LAMA2: variants seen among roughly 807,000 people sequenced by gnomAD.
The protein encoded by LAMA2 is laminin subunit alpha 2.
LAMA2 carries 269 observed loss-of-function variants against 364.8 expected under a neutral mutation model. That is an observed-to-expected ratio of 0.74 (90% CI 0.67 to 0.82). LAMA2 has a LOEUF of 0.82. LAMA2 is among the 40% of genes least tolerant of loss of function. LAMA2 has a pLI of 0.00. For synonymous variants in LAMA2, 1,379 were observed against 1,370.6 expected (o/e 1.01, Z -0.14); for missense variants, 3,807 against 3,873.2 (o/e 0.98, Z 0.45).
chr6:129,340,893 G>C (rs188169769), intron 29 of LAMA2, among the ~76,000 whole-genome samples: 1 of 148,794 alleles, frequency 6.7e-6, no homozygotes, highest in Admixed American at 6.7e-5. Flanking sequence ...CTTGTACCTT[G>C]TCATATTGGA....
intron 43 of LAMA2, among the ~76,000 whole-genome samples, chr6:129,441,219 A>G (rs919374108): frequency 6.6e-6 from 1 of 152,126 alleles, no homozygotes; most frequent in African/African-American, 2.4e-5. Flanking sequence ...AAATTTTTCC[A>G]GTTGAGAAGA....
chr6:128,912,708 A>C (rs1220866153), intron 1 of LAMA2, among the ~76,000 whole-genome samples: 3 of 152,262 alleles, frequency 2.0e-5, no homozygotes, highest in Non-Finnish European at 2.9e-5. Flanking sequence ...GTAGGGAAAA[A>C]AGTAAGTGTA....
chr6:129,380,717 C>T (rs1428551579), intron 34 of LAMA2, among the ~76,000 whole-genome samples: 1 of 152,164 alleles, frequency 6.6e-6, no homozygotes, highest in African/African-American at 2.4e-5. Flanking sequence ...ATGAGTTTTG[C>T]ATATTTAATA....
chr6:129,427,763 T>C lies in LAMA2; in HGVS notation c.5877T>C (p.Pro1959=). Reference sequence around the variant, plus strand: ...TTTTCTGTCCACAGGCAACAGGTCCTCGGGGTTTATTAAAGGAAGATGCCA... The same window carrying C: ...TTTTCTGTCCACAGGCAACAGGTCCCCGGGGTTTATTAAAGGAAGATGCCA... The part of the protein sequence containing the change: ...AHEATKLATG[P]RGLLKEDAKG... Residue 1959 remains proline, a synonymous_variant, in exon 41 of 65, where the codon CCT becomes CCC. Coordinates refer to ENST00000421865, the MANE Select transcript of LAMA2 (RefSeq NM_000426.4). 1.9e-6 allele frequency: 3 copies of C among 1,613,098 alleles called. No individual in the cohort carries two copies. The highest frequency in any genetic ancestry group is 2.7e-5 in the African/African-American group (2 of 75,020).
At position 129,169,112 on chromosome 6, in the gene LAMA2, G is replaced by A. The variant is rs1390849152; in HGVS notation, c.1306+3437G>A. Among the ~76,000 whole-genome samples, 9 of 152,034 alleles carry A rather than the reference G, an allele frequency of 5.9e-5. No individual in the cohort carries two copies. In the South Asian group the frequency reaches 8.3e-4, roughly 14 times the overall value. ...TACAATCATGTCGTCTGCAAACGGG[G>A]ACAATTTGACTTCCTCTTTTCCTAA... On this transcript the variant is annotated intron_variant, in intron 9 of 64. Coordinates refer to ENST00000421865, the MANE Select transcript of LAMA2 (RefSeq NM_000426.4).
At chr6:129,512,236 C>A in intron 62 of LAMA2, 127 bp from the exon 63 acceptor site, 1 of 884,354 alleles carries the variant, frequency 1.1e-6, no homozygotes. Context: ...GGATCTGAAA[C>A]TTATAGCCCT....
intron 30 of LAMA2, among the ~76,000 whole-genome samples, chr6:129,347,352 A>G (rs1776610558): frequency 1.3e-5 from 2 of 152,150 alleles, no homozygotes; most frequent in Admixed American, 1.3e-4. Context: ...CTGCGAAGGT[A>G]GGCACAATAT....
rs556325045 is a variant in LAMA2 at position 128,887,417 on chromosome 6, T to A, written c.112+4060T>A. On this transcript the variant is annotated intron_variant, in intron 1 of 64. Coordinates refer to ENST00000421865, the MANE Select transcript of LAMA2 (RefSeq NM_000426.4). The stretch of plus-strand genomic sequence containing the variant: ...TATTCAAAATATTTATATGAACATA[T>A]TCAACACTGAATATTATAGATGTGA... 8.5e-5 allele frequency among the ~76,000 whole-genome samples: 13 copies of A among 152,242 alleles called. No homozygotes were observed. The South Asian group carries it at 2.7e-3, about 32-fold the overall frequency.
At chr6:129,232,482 T>G (rs1252459402) in intron 12 of LAMA2, among the ~76,000 whole-genome samples, 1 of 152,098 alleles carries the variant, frequency 6.6e-6, no homozygotes, top group Admixed American at 6.6e-5. Context: ...TAGAACAAAA[T>G]ATAGATACGT....
rs1459750882 is a variant in LAMA2, at chr6:129,200,272, GTGTATATATATACGTGTACACA to G, written c.1782+7421_1782+7442del. The stretch of plus-strand genomic sequence containing the variant: ...TATATATACGTGTACACATATACAT[GTGTATATATATACGTGTACACA>G]TATACATGTGTGTATATATATACGT... On this transcript the variant is annotated intron_variant, in intron 12 of 64. Transcript: ENST00000421865. 3.0e-5 allele frequency among the ~76,000 whole-genome samples: 4 copies of G among 131,364 alleles called. 1 individual carries two copies. Among genetic ancestry groups the G allele is most frequent in the Admixed American group, 1.5e-4 (2 of 13,712 alleles). 86.2% of individuals were successfully genotyped at this position (131,364 alleles called of 152,430 possible).
At chr6:129,140,939 C>T (rs908724660) in intron 4 of LAMA2, among the ~76,000 whole-genome samples, 4 of 151,978 alleles carry the variant, frequency 2.6e-5, no homozygotes. Context: ...GGTTTATTAA[C>T]CTAAATGAGA....
chr6:128,918,425 A>G (rs1778484263), intron 1 of LAMA2, among the ~76,000 whole-genome samples: 1 of 152,198 alleles, frequency 6.6e-6, no homozygotes, highest in Admixed American at 6.5e-5. Context: ...ATAATTCTAA[A>G]TCATCTCAAG....
At chr6:129,097,416 T>C (rs1391735026) in intron 3 of LAMA2, among the ~76,000 whole-genome samples, 1 of 152,198 alleles carries the variant, frequency 6.6e-6, no homozygotes, top group East Asian at 1.9e-4. Flanking sequence ...TCTATATAAA[T>C]TTGTAAATAG....
chr6:129,321,937 G>A (rs142482323), intron 28 of LAMA2, among the ~76,000 whole-genome samples: 1 of 152,256 alleles, frequency 6.6e-6, no homozygotes, highest in African/African-American at 2.4e-5. Flanking sequence ...ACTTGGACAG[G>A]TTACTTGCTC....
At chr6:129,114,734 G>A (rs1400997316) in intron 4 of LAMA2, among the ~76,000 whole-genome samples, 1 of 151,634 alleles carries the variant, frequency 6.6e-6, no homozygotes, top group African/African-American at 2.4e-5. Flanking sequence ...TGAGGGAGAG[G>A]GCCATGACCT....
At chr6:128,978,334 T>C (rs992744248) in intron 1 of LAMA2, among the ~76,000 whole-genome samples, 4 of 151,796 alleles carry the variant, frequency 2.6e-5, no homozygotes, top group Admixed American at 6.6e-5. Context: ...CAAAAGTACC[T>C]GCCCTTCTTT....
In LAMA2 at chr6:129,289,993, C is replaced by T. The variant is rs576870471; in HGVS notation, c.2750-1621C>T. Among the ~76,000 whole-genome samples, 5 of 152,130 alleles carry T rather than the reference C, an allele frequency of 3.3e-5. No homozygotes were observed. The South Asian group carries it at 1.0e-3, about 32-fold the overall frequency. ...TCCTGGAAATACATTATTTTGGTTACCTATAGATTTGTTCAAGAAAAGTAC... is the reference window on the plus strand; with the variant it reads ...TCCTGGAAATACATTATTTTGGTTATCTATAGATTTGTTCAAGAAAAGTAC... On this transcript the variant is annotated intron_variant, in intron 19 of 64. Coordinates refer to ENST00000421865, the MANE Select transcript of LAMA2 (RefSeq NM_000426.4).
intron 1 of LAMA2, among the ~76,000 whole-genome samples, chr6:128,905,092 C>G (rs1777344311): frequency 6.6e-6 from 1 of 152,146 alleles, no homozygotes; most frequent in South Asian, 2.1e-4. Context: ...AACTGGATAA[C>G]TTTAAAAATC....
chr6:129,213,341 A>G (rs557542680), intron 12 of LAMA2, among the ~76,000 whole-genome samples: 4 of 152,234 alleles, frequency 2.6e-5, no homozygotes, highest in Non-Finnish European at 5.9e-5. Flanking sequence ...ATAAACACTT[A>G]TGTGATAAGT....
Sources: allele counts gnomAD v4.1 joint callset (sites outside exome capture counted in the v4.1 genomes callset), GRCh38; gene constraint gnomAD v4.1.1; transcripts MANE v1.5; gene names NCBI Gene and HGNC (gene_info 2026-07-23, HGNC 2026-07-21).